RNF217: variants seen among roughly 807,000 people sequenced by gnomAD.
RNF217 encodes ring finger protein 217.
Under a neutral mutation model 57.8 loss-of-function variants are expected in RNF217, and 31 were observed. That is an observed-to-expected ratio of 0.54 (90% CI 0.40 to 0.72). The LOEUF is 0.72. Among genes scored for constraint, RNF217 ranks in the 30% least tolerant of loss-of-function variants. The probability of loss-of-function intolerance (pLI) is 0.00; values close to 1 mark genes in which losing one functional copy is unlikely to be tolerated. For missense variants in RNF217, 696 were observed against 708.3 expected, an observed-to-expected ratio of 0.98 and a Z score of 0.20; for synonymous variants, 313 against 294.0, an observed-to-expected ratio of 1.06 and a Z score of -0.66.
At chr6:125,041,642 C>G (rs1786885362) in intron 1 of RNF217, among the ~76,000 whole-genome samples, 1 of 152,070 alleles carries the variant, frequency 6.6e-6, no homozygotes, top group Non-Finnish European at 1.5e-5. Context: ...CCCATGTTCT[C>G]TGCATAACAG....
intron 1 of RNF217, among the ~76,000 whole-genome samples, chr6:125,032,692 T>G (rs1200610866): frequency 1.3e-5 from 2 of 152,142 alleles, no homozygotes; most frequent in Non-Finnish European, 2.9e-5. Context: ...TATGTCTACT[T>G]TATACTTTTT....
chr6:124,962,996 G>C lies in RNF217; in HGVS notation c.452G>C (p.Gly151Ala), dbSNP rs967451727. ...GACGGACTGGTCCTGGACGTGCTGG[G>C]TCAGCGGCGCCCGTCCCTCGCCAAG... is the stretch of plus-strand genomic sequence containing the variant. ...AADGLVLDVL[G>A]QRRPSLAKRQ... is the part of the protein sequence containing the mutation. The change falls in exon 1 of 6, where the codon GGT becomes GCT. Residue 151 changes from glycine (G) to alanine (A), a missense_variant. Coordinates refer to ENST00000521654, the MANE Select transcript of RNF217 (RefSeq NM_001286398.3). This position sits in a 1 kb window ranked among gnomAD's most constrained non-coding sequence, Gnocchi z 4.6. 6.3e-7 allele frequency: 1 copy of C among 1,596,502 alleles called. No individual in the cohort carries two copies. The highest frequency in any genetic ancestry group is 8.5e-7 in the Non-Finnish European group (1 of 1,179,108).
chr6:125,024,960 A>G (rs984850260), intron 1 of RNF217, among the ~76,000 whole-genome samples: 5 of 152,156 alleles, frequency 3.3e-5, no homozygotes, highest in African/African-American at 1.2e-4. Context: ...CCTCAGAAAG[A>G]TTAACCAATG....
chr6:125,050,669 A>G (rs564222721), intron 2 of RNF217, among the ~76,000 whole-genome samples: 1 of 151,884 alleles, frequency 6.6e-6, no homozygotes, highest in Admixed American at 6.6e-5. Context: ...AGAATGTGTA[A>G]AGCTTTCCCA....
chr6:125,076,912 T>C, intron 4 of RNF217, 54 bp downstream of exon 4: 1 of 1,485,900 alleles, frequency 6.7e-7, no homozygotes. Flanking sequence ...GTAGTGAAAA[T>C]AGAACTTGGA....
At chr6:125,077,235 C>T (rs2114644637) in intron 4 of RNF217, among the ~76,000 whole-genome samples, 1 of 152,154 alleles carries the variant, frequency 6.6e-6, no homozygotes, top group South Asian at 2.1e-4. Flanking sequence ...TCATGGAGGA[C>T]CTGCAATACA....
At chr6:125,053,330 G>A (rs1787396711) in intron 2 of RNF217, among the ~76,000 whole-genome samples, 1 of 152,046 alleles carries the variant, frequency 6.6e-6, no homozygotes, top group Admixed American at 6.6e-5. Flanking sequence ...AGCAGTTCCT[G>A]CTACTTGAAG....
chr6:124,976,032 T>C (rs1324852494), intron 1 of RNF217, among the ~76,000 whole-genome samples: 2 of 152,182 alleles, frequency 1.3e-5, no homozygotes. Context: ...ATATTCCATG[T>C]GTCTTCAAGT....
At chr6:125,052,820 G>A (rs554670989) in intron 2 of RNF217, among the ~76,000 whole-genome samples, 1 of 152,124 alleles carries the variant, frequency 6.6e-6, no homozygotes, top group South Asian at 2.1e-4. Flanking sequence ...ATTTTGGTTA[G>A]TTTCTTTAGG....
intron 1 of RNF217, among the ~76,000 whole-genome samples, chr6:124,986,183 C>T (rs1403022503): frequency 1.3e-5 from 2 of 152,144 alleles, no homozygotes; most frequent in African/African-American, 4.8e-5. Flanking sequence ...CATTTGTTTT[C>T]TCTGCCAGGC....
chr6:125,081,646 A>G (rs1788580052), intron 5 of RNF217, 139 bp downstream of exon 5: 1 of 676,902 alleles, frequency 1.5e-6, no homozygotes, highest in Non-Finnish European at 2.4e-6. Flanking sequence ...GATTACCAGC[A>G]TATCATTTAA....
At chr6:124,996,768 T>C (rs1216776074) in intron 1 of RNF217, 1 of 152,250 alleles carries the variant, frequency 6.6e-6, no homozygotes, top group Non-Finnish European at 1.5e-5. Flanking sequence ...TACCAAATAC[T>C]ACAAATATTG....
intron 1 of RNF217, among the ~76,000 whole-genome samples, chr6:124,974,491 G>A (rs1379294259): frequency 1.3e-5 from 2 of 152,036 alleles, no homozygotes; most frequent in African/African-American, 4.8e-5. Context: ...AAATATTTTA[G>A]GTAGTTCCAC....
chr6:125,058,749 C>T (rs1202397616), intron 3 of RNF217, among the ~76,000 whole-genome samples: 1 of 152,114 alleles, frequency 6.6e-6, no homozygotes, highest in South Asian at 2.1e-4. Flanking sequence ...GACTCTCCTA[C>T]GGGAGGTCAG....
chr6:125,038,953 T>A (rs1786764424), intron 1 of RNF217, among the ~76,000 whole-genome samples: 1 of 152,106 alleles, frequency 6.6e-6, no homozygotes, highest in African/African-American at 2.4e-5. Context: ...AAGCCCCACA[T>A]GCATTAGCTG....
intron 4 of RNF217, among the ~76,000 whole-genome samples, chr6:125,080,962 G>A (rs976765451): frequency 6.6e-6 from 1 of 152,106 alleles, no homozygotes; most frequent in South Asian, 2.1e-4. Flanking sequence ...GACCCAGGAT[G>A]TAAATAAACC....
chr6:125,038,662 C>T (rs1786746420), intron 1 of RNF217, among the ~76,000 whole-genome samples: 1 of 151,998 alleles, frequency 6.6e-6, no homozygotes, highest in Admixed American at 6.6e-5. Context: ...ACCAACAAAT[C>T]CCAATTTGCT....
intron 1 of RNF217, among the ~76,000 whole-genome samples, chr6:125,006,967 T>A (rs1314450110): frequency 1.3e-5 from 2 of 152,206 alleles, no homozygotes; most frequent in African/African-American, 2.4e-5. Flanking sequence ...AAAAAAAGAA[T>A]GCATGATAGA....
chr6:125,026,363 G>A (rs1786080014), intron 1 of RNF217, among the ~76,000 whole-genome samples: 1 of 152,134 alleles, frequency 6.6e-6, no homozygotes, highest in Non-Finnish European at 1.5e-5. Context: ...GTCTTTATCA[G>A]GAGTAACTGA....
Sources: allele counts gnomAD v4.1 joint callset (sites outside exome capture counted in the v4.1 genomes callset), GRCh38; gene constraint gnomAD v4.1.1; non-coding constraint Gnocchi (gnomAD v3.1); transcripts MANE v1.5; gene names NCBI Gene and HGNC (gene_info 2026-07-23, HGNC 2026-07-21).